Variants in IGHMBP2 observed in about 807,000 individuals in gnomAD.
The protein encoded by IGHMBP2 is DNA-binding protein SMUBP-2.
A neutral mutation model predicts 96.0 loss-of-function variants in IGHMBP2; 81 were observed. The observed-to-expected ratio is 0.84, with a 90% CI of 0.71 to 1.01. The LOEUF (loss-of-function observed/expected upper bound fraction) is 1.01. Ranked by LOEUF, IGHMBP2 falls within the 50% of genes least tolerant of loss-of-function variation. The pLI is 0.00. For missense variants in IGHMBP2, 1,227 were observed against 1,306.3 expected (o/e 0.94, Z 0.94); for synonymous variants, 557 against 548.9 (o/e 1.01, Z -0.21).
chr11:68,915,165 CCTTTTTTT>C, intron 6 of IGHMBP2, 142 bp downstream of exon 6: 2 of 265,074 alleles, frequency 7.5e-6, no homozygotes, highest in Non-Finnish European at 1.3e-5. Context: ...ATTGGGCTGC[CCTTTTTTT>C]TTTTTTTTTT....
intron 8 of IGHMBP2, chr11:68,930,158 C>T (rs1170656579): frequency 8.3e-6 from 10 of 1,206,176 alleles, no homozygotes; most frequent in South Asian, 4.5e-5. Flanking sequence ...GGGCCTGGCA[C>T]GTGGGCTGTC....
Position 68,906,199 on chromosome 11 carries a change from G to C in IGHMBP2, c.217G>C (p.Gly73Arg), listed in dbSNP as rs376644749. The C allele has an allele frequency of 6.2e-7, 1 of 1,614,112 alleles. No homozygotes were observed. The change falls in exon 2 of 15, where the codon GGG (glycine) becomes CGG (arginine). Residue 73 changes from glycine to arginine, a missense_variant. By Grantham distance (125) the Gly-to-Arg change is moderately radical. Coordinates refer to ENST00000255078, the MANE Select transcript of IGHMBP2 (RefSeq NM_002180.3). ...GGTCACCTTTGAGCCCAGGCGATAC[G>C]GGTCCGCGGCAGCTCTTCCCAGTAA... The part of the protein sequence containing the change: ...LLVTFEPRRY[G>R]SAAALPSNSF...
At chr11:68,934,599 G>C (rs1445281067) in intron 11 of IGHMBP2, 41 bp downstream of exon 11, 4 of 1,438,214 alleles carry the variant, frequency 2.8e-6, no homozygotes, top group Non-Finnish European at 3.9e-6. Context: ...AGCAGCTGGG[G>C]CTCACACAAC....
At position 68,940,086 on chromosome 11, in the gene IGHMBP2, G is replaced by A. The variant is rs1859697948; in HGVS notation, c.*355G>A. 3.5e-6 allele frequency: 1 copy of A among 286,742 alleles called. No individual in the cohort carries two copies. The highest frequency in any genetic ancestry group is 6.6e-6 in the Non-Finnish European group (1 of 151,214). The allele number at this position is 286,742 out of a possible 1,614,324, so 17.8% of individuals were successfully genotyped here. ...TCAAACTTGAAGTCACTCCTCCAAT[G>A]TCTGGGACTTGCCAGCTCAGCCCGT... On this transcript the variant is annotated 3_prime_UTR_variant, in exon 15 of 15. Transcript: ENST00000255078.
chr11:68,933,899 C>A lies in IGHMBP2; in HGVS notation c.1523C>A (p.Ser508Ter). The part of the protein sequence containing the change: ...LFELEEEDEQ[S>*]KGNPGEVRLV... ...GAGCTGGAGGAGGAGGACGAACAGT[C>A]GAAAGGGAACCCTGGTGAGCTTGCT... The change falls in exon 10 of 15, where the codon TCG becomes TAG. Residue 508 changes from serine (S) to a stop codon, truncating the protein, a stop_gained. Coordinates refer to ENST00000255078, the MANE Select transcript of IGHMBP2 (RefSeq NM_002180.3). LOFTEE classifies it high-confidence loss of function. 1 of 1,593,182 alleles carries A rather than the reference C, an allele frequency of 6.3e-7. No homozygotes were observed. The highest frequency in any genetic ancestry group is 8.6e-7 in the Non-Finnish European group (1 of 1,168,450).
intron 7 of IGHMBP2, among the ~76,000 whole-genome samples, chr11:68,926,895 A>G (rs1397454584): frequency 6.6e-6 from 1 of 151,944 alleles, no homozygotes; most frequent in Non-Finnish European, 1.5e-5. Context: ...CCTCCTGAGT[A>G]GCTGGGATTA....
intron 5 of IGHMBP2, among the ~76,000 whole-genome samples, chr11:68,913,395 G>T (rs1858522458): frequency 6.6e-6 from 1 of 152,134 alleles, no homozygotes; most frequent in Non-Finnish European, 1.5e-5. Flanking sequence ...TGGGCATAGA[G>T]AGTGGGTGGC....
At chr11:68,906,414 TC>T (rs1858196904) in intron 2 of IGHMBP2, 176 bp downstream of exon 2, 2 of 719,582 alleles carry the variant, frequency 2.8e-6, no homozygotes, top group African/African-American at 3.5e-5. Context: ...ATCAGCGTTG[TC>T]CAAAATGGTA....
intron 8 of IGHMBP2, chr11:68,932,637 T>C: frequency 6.5e-6 from 1 of 153,298 alleles, no homozygotes; most frequent in Non-Finnish European, 1.5e-5. Context: ...CAGCCGTTCT[T>C]GGTGGGAGTG....
chr11:68,938,513 C>T lies in IGHMBP2; in HGVS notation c.2784+159C>T, dbSNP rs1008931547. 3.9e-5 allele frequency among the ~76,000 whole-genome samples: 6 copies of T among 152,328 alleles called. No individual in the cohort carries two copies. In the South Asian group the frequency reaches 1.0e-3, roughly 26 times the overall value. ...CAGAAATCAGACACTGACTCATGAT[C>T]GGTTTTCAGCACATCAGGGCACAAG... On this transcript the variant is annotated intron_variant, in intron 14 of 14. Coordinates refer to ENST00000255078, the MANE Select transcript of IGHMBP2 (RefSeq NM_002180.3).
intron 4 of IGHMBP2, among the ~76,000 whole-genome samples, chr11:68,910,711 G>A (rs1006467347): frequency 1.1e-4 from 17 of 152,034 alleles, no homozygotes; most frequent in African/African-American, 3.6e-4. Flanking sequence ...GTGAATCCCC[G>A]TCTCTACTAA....
intron 5 of IGHMBP2, among the ~76,000 whole-genome samples, chr11:68,914,128 C>T (rs1264676498): frequency 6.6e-6 from 1 of 152,058 alleles, no homozygotes; most frequent in Admixed American, 6.5e-5. Flanking sequence ...TGAGAGGCCT[C>T]AATGTCCTTT....
At chr11:68,907,978 C>A (rs559600107) in intron 2 of IGHMBP2, among the ~76,000 whole-genome samples, 167 bp from the exon 3 acceptor site, 2 of 148,536 alleles carry the variant, frequency 1.3e-5, no homozygotes, top group African/African-American at 4.9e-5. Flanking sequence ...CGTGAGCCAC[C>A]GTGCCCGGCC....
At position 68,929,178 on chromosome 11, in the gene IGHMBP2, A is replaced by T; in HGVS notation, c.1061-5A>T. 2 of 1,611,810 alleles carry T rather than the reference A, an allele frequency of 1.2e-6. No homozygotes were observed. Among genetic ancestry groups the T allele is most frequent in the South Asian group, 2.2e-5 (2 of 91,078 alleles). On this transcript the variant is annotated splice_polypyrimidine_tract_variant and splice_region_variant and intron_variant, in intron 7 of 14. Coordinates refer to ENST00000255078, the MANE Select transcript of IGHMBP2 (RefSeq NM_002180.3). ...TGGAGACTCCCGGCTCCCTGTTTCC[A>T]CCAGGTGCGTCTGCCGATGGCCCCC...
intron 7 of IGHMBP2, among the ~76,000 whole-genome samples, chr11:68,921,827 A>G (rs1858889612): frequency 6.6e-6 from 1 of 152,194 alleles, no homozygotes; most frequent in African/African-American, 2.4e-5. Context: ...GATGCAGTCC[A>G]GTAGCTTTTG....
chr11:68,922,316 C>CAAA (rs565249784), intron 7 of IGHMBP2, among the ~76,000 whole-genome samples: 2 of 138,976 alleles, frequency 1.4e-5, no homozygotes, highest in African/African-American at 5.3e-5. Context: ...GACTCCGTCT[C>CAAA]AAAAAAAAAA....
At chr11:68,916,626 T>G (rs900520915) in intron 6 of IGHMBP2, among the ~76,000 whole-genome samples, 5 of 152,086 alleles carry the variant, frequency 3.3e-5, no homozygotes, top group African/African-American at 1.2e-4. Context: ...GCACCCTCGG[T>G]GTCCTAACCT....
intron 7 of IGHMBP2, among the ~76,000 whole-genome samples, chr11:68,923,201 T>G (rs1430452876): frequency 6.6e-6 from 1 of 152,022 alleles, no homozygotes; most frequent in Admixed American, 6.6e-5. Flanking sequence ...TTTTTTTTTG[T>G]TTTTTTGTTT....
intron 11 of IGHMBP2, 58 bp downstream of exon 11, chr11:68,934,616 G>GGTTGT: frequency 7.6e-7 from 1 of 1,313,674 alleles, no homozygotes; most frequent in East Asian, 2.5e-5. Flanking sequence ...CAACCTAGAG[G>GGTTGT]GTGAAAGAAA....
Sources: gnomAD v4.1 joint callset for allele counts (sites outside exome capture counted in the v4.1 genomes callset) on GRCh38, gnomAD v4.1.1 for gene constraint, MANE v1.5 for transcripts, NCBI Gene and HGNC (gene_info 2026-07-23, HGNC 2026-07-21) for gene names.